Variants in ECSCR observed in about 807,000 individuals in gnomAD.
ECSCR encodes endothelial cell-specific chemotaxis regulator.
In ECSCR, 12 loss-of-function variants were observed where a neutral mutation model predicts 16.7. The ratio of observed to expected loss-of-function variants is 0.72; its 90% CI spans 0.46 to 1.17. ECSCR has a LOEUF of 1.17. Ranked by LOEUF, ECSCR falls within the 50% of genes most tolerant of loss-of-function variation. The probability of loss-of-function intolerance (pLI) is 0.00; values close to 1 mark genes in which losing one functional copy is unlikely to be tolerated. For synonymous variants in ECSCR, 44 were observed against 42.2 expected, an observed-to-expected ratio of 1.04 and a Z score of -0.17; for missense variants, 122 against 116.1, an observed-to-expected ratio of 1.05 and a Z score of -0.23.
intron 1 of ECSCR, among the ~76,000 whole-genome samples, chr5:139,458,545 A>G (rs1751220496): frequency 1.3e-5 from 2 of 148,502 alleles, no homozygotes; most frequent in Admixed American, 6.7e-5. Flanking sequence ...AAAGAAAAAG[A>G]AAAAAGAAAA....
At chr5:139,457,935 T>C in intron 2 of ECSCR, 128 bp from the exon 3 acceptor site, 1 of 1,200,878 alleles carries the variant, frequency 8.3e-7, no homozygotes. Flanking sequence ...ACCATTCACC[T>C]CTTTTTTCTT....
At chr5:139,457,678 A>G in intron 3 of ECSCR, 74 bp from the exon 4 acceptor site, 2 of 1,544,964 alleles carry the variant, frequency 1.3e-6, no homozygotes, top group South Asian at 2.2e-5. Flanking sequence ...GTCCCACCCA[A>G]GAACCCCTGG....
chr5:139,451,383 T>C (rs1751044307), intron 8 of ECSCR, among the ~76,000 whole-genome samples: 1 of 150,904 alleles, frequency 6.6e-6, no homozygotes, highest in South Asian at 2.1e-4. Context: ...TTATGTGGTG[T>C]GTGGGTTTGT....
In ECSCR at chr5:139,458,329, T is replaced by TG. The variant is rs1172332511; in HGVS notation, c.62-147_62-146insC. On this transcript the variant is annotated intron_variant, in intron 1 of 9. Transcript: ENST00000618155. ...AAAAAAATTTTGTTTTGTTTTGTTT[T>TG]TTTTTTTTTTTTAAATTCTCCAGGC... The TG allele has an allele frequency of 5.7e-4, 400 of 704,816 alleles. 2 individuals are homozygous for TG. The African/African-American group carries it at 6.0e-3, about 11-fold the overall frequency. 43.7% of individuals were successfully genotyped at this position (704,816 alleles called of 1,614,324 possible).
intron 1 of ECSCR, among the ~76,000 whole-genome samples, chr5:139,460,497 G>A (rs1457011784): frequency 6.6e-6 from 1 of 152,152 alleles, no homozygotes; most frequent in East Asian, 1.9e-4. Context: ...TACAGGGAAG[G>A]CACAGGGAAC....
chr5:139,451,156 G>GTGTGTGGTGTAATGCA (rs1186179357), intron 8 of ECSCR, among the ~76,000 whole-genome samples: 1 of 151,294 alleles, frequency 6.6e-6, no homozygotes, highest in African/African-American at 2.4e-5. Flanking sequence ...TTGTGTGTGT[G>GTGTGTGGTGTAATGCA]TGTGTGGTGT....
chr5:139,456,744 G>T (rs1389169327), intron 4 of ECSCR, among the ~76,000 whole-genome samples: 3 of 152,304 alleles, frequency 2.0e-5, no homozygotes, highest in Admixed American at 6.5e-5. Flanking sequence ...GTTGTGACCA[G>T]GCCCAAGGTC....
intron 4 of ECSCR, 143 bp downstream of exon 4, chr5:139,457,402 C>G (rs1355724823): frequency 4.3e-6 from 3 of 699,228 alleles, no homozygotes; most frequent in Non-Finnish European, 5.3e-6. Flanking sequence ...CCCTTCTCAC[C>G]CTGCATGTCA....
At chr5:139,451,125 TG>T (rs1459656640) in intron 8 of ECSCR, among the ~76,000 whole-genome samples, 2 of 151,064 alleles carry the variant, frequency 1.3e-5, no homozygotes, top group African/African-American at 4.9e-5. Context: ...ATGTGTGGTA[TG>T]GGGTATGTGG....
rs1751109268 is a variant in ECSCR at position 139,454,289 on chromosome 5, T to G, written c.512+313A>C. 2.0e-5 allele frequency among the ~76,000 whole-genome samples: 3 copies of G among 147,390 alleles called. No individual in the cohort carries two copies. The South Asian group carries it at 6.5e-4, about 32-fold the overall frequency. ...AGTGGGGTGTGTGGTATGTGGTGTG[T>G]TTGAGGTGTGTGGGAGGCGTGTATA... On this transcript the variant is annotated intron_variant, in intron 8 of 9. Coordinates refer to ENST00000618155, the MANE Select transcript of ECSCR (RefSeq NM_001077693.4).
intron 1 of ECSCR, 104 bp from the exon 2 acceptor site, chr5:139,458,287 C>G (rs1274117221): frequency 2.3e-5 from 25 of 1,088,366 alleles, no homozygotes; most frequent in Non-Finnish European, 3.3e-5. Flanking sequence ...GGCAACATAG[C>G]AAGACCCTGT....
At chr5:139,458,500 C>CAAAAAAAAAAAAAAAAAAAAA (rs397882364) in intron 1 of ECSCR, among the ~76,000 whole-genome samples, 59 of 85,356 alleles carry the variant, frequency 6.9e-4, no homozygotes, top group African/African-American at 1.2e-3. Flanking sequence ...CCTATCTCAA[C>CAAAAAAAAAAAAAAAAAAAAA]AAAAAAAAAA....
At chr5:139,454,178 CTG>C (rs1751105780) in intron 8 of ECSCR, among the ~76,000 whole-genome samples, 1 of 83,724 alleles carries the variant, frequency 1.2e-5, no homozygotes, top group Non-Finnish European at 2.4e-5. Context: ...GGGTATGTGT[CTG>C]TAGTGGGGTG....
intron 8 of ECSCR, among the ~76,000 whole-genome samples, chr5:139,453,669 A>G (rs1373536587): frequency 2.1e-5 from 1 of 48,112 alleles, no homozygotes; most frequent in African/African-American, 9.7e-5. Flanking sequence ...NGTGTGGGGC[A>G]TGTGTATAGT....
At chr5:139,458,312 T>C in intron 1 of ECSCR, 129 bp from the exon 2 acceptor site, 5 of 796,262 alleles carry the variant, frequency 6.3e-6, no homozygotes, top group Non-Finnish European at 9.9e-6. Context: ...AAAAAAAAAT[T>C]TTGTTTTGTT....
Position 139,449,019 on chromosome 5 carries a change from T to G in ECSCR, c.609+59A>C, listed in dbSNP as rs866561958. ...AAGTATCTCCTTTCTGGCCTGAAAG[T>G]AGGAGGAGGAAGGGAAAGGTGAATT... On this transcript the variant is annotated intron_variant, in intron 9 of 9. Transcript: ENST00000618155. The G allele has an allele frequency of 1.5e-5, 23 of 1,530,144 alleles. No homozygotes were observed. In the South Asian group the frequency reaches 2.6e-4, roughly 17 times the overall value. The allele number at this position is 1,530,144 out of a possible 1,614,324, so 94.8% of individuals were successfully genotyped here. A position where few individuals can be genotyped will look rare whatever the true frequency, so the allele number is the denominator to read the frequency against.
intron 1 of ECSCR, among the ~76,000 whole-genome samples, chr5:139,458,501 A>G (rs1325687033): frequency 1.7e-3 from 5 of 2,896 alleles, no homozygotes; most frequent in African/African-American, 3.5e-3. Flanking sequence ...CTATCTCAAC[A>G]AAAAAAAAAA....
intron 8 of ECSCR, among the ~76,000 whole-genome samples, chr5:139,451,060 G>C (rs888395136): frequency 1.3e-5 from 2 of 152,062 alleles, no homozygotes; most frequent in Non-Finnish European, 2.9e-5. Flanking sequence ...TGGCCTCAGA[G>C]GAGCCTGTCA....
At chr5:139,458,700 A>G (rs530493087) in intron 1 of ECSCR, among the ~76,000 whole-genome samples, 2 of 151,352 alleles carry the variant, frequency 1.3e-5, no homozygotes, top group Non-Finnish European at 3.0e-5. Context: ...TACAAAAATT[A>G]GCAGGCCTGA....
Sources: allele counts gnomAD v4.1 joint callset (sites outside exome capture counted in the v4.1 genomes callset), GRCh38; gene constraint gnomAD v4.1.1; transcripts MANE v1.5; gene names NCBI Gene and HGNC (gene_info 2026-07-23, HGNC 2026-07-21).